EMSY: variants seen among roughly 807,000 people sequenced by gnomAD.
EMSY encodes BRCA2-interacting transcriptional repressor EMSY.
A neutral mutation model predicts 134.6 loss-of-function variants in EMSY; 26 were observed. That is an observed-to-expected ratio of 0.19 (90% CI 0.14 to 0.27). The LOEUF is 0.27. EMSY is among the 10% of genes least tolerant of loss of function. EMSY has a pLI of 1.00. For missense variants in EMSY, 1,305 were observed against 1,611.4 expected, an observed-to-expected ratio of 0.81 and a Z score of 3.26; for synonymous variants, 579 against 577.8, an observed-to-expected ratio of 1.00 and a Z score of -0.03.
chr11:76,518,884 CATT>C (rs1950551472), intron 11 of EMSY, among the ~76,000 whole-genome samples: 1 of 114,044 alleles, frequency 8.8e-6, no homozygotes, highest in African/African-American at 2.9e-5. Context: ...GTGTGTGTGT[CATT>C]ATAAATAATT....
chr11:76,535,794 A>T, intron 14 of EMSY, 101 bp from the exon 16 acceptor site: 1 of 954,976 alleles, frequency 1.0e-6, no homozygotes, highest in African/African-American at 1.7e-5. Flanking sequence ...GTTTACAATA[A>T]ATAGAAAGAT....
chr11:76,532,279 C>T (rs1291142360), intron 14 of EMSY, among the ~76,000 whole-genome samples: 1 of 151,816 alleles, frequency 6.6e-6, no homozygotes, highest in East Asian at 1.9e-4. Context: ...AGCAGAGCAG[C>T]AACCATAATA....
chr11:76,507,725 A>G (rs770266394), intron 9 of EMSY, among the ~76,000 whole-genome samples: 2 of 152,150 alleles, frequency 1.3e-5, no homozygotes, highest in Non-Finnish European at 1.5e-5. Context: ...ACCTCCTCCC[A>G]TGATTCAAAA....
chr11:76,453,717 G>A (rs1188674017), intron 4 of EMSY: 3 of 182,104 alleles, frequency 1.6e-5, no homozygotes, highest in Non-Finnish European at 3.4e-5. Context: ...AAAATTGAAA[G>A]CCCTTTAGAG....
chr11:76,551,716 C>G (rs1000152216), downstream of EMSY: 4 of 152,104 alleles, frequency 2.6e-5, no homozygotes, highest in Non-Finnish European at 5.9e-5. Flanking sequence ...AATTTTTTAA[C>G]CTTTCTTGGG....
At chr11:76,488,254 C>G (rs1217761668) in intron 8 of EMSY, among the ~76,000 whole-genome samples, 1 of 152,172 alleles carries the variant, frequency 6.6e-6, no homozygotes, top group Non-Finnish European at 1.5e-5. Flanking sequence ...TTGTTTGAAG[C>G]TAGGAGTTCA....
intron 8 of EMSY, among the ~76,000 whole-genome samples, chr11:76,483,701 A>G (rs1031343731): frequency 2.0e-5 from 3 of 152,232 alleles, no homozygotes; most frequent in Non-Finnish European, 4.4e-5. Flanking sequence ...AGAGCTAACT[A>G]TCCTAAATAT....
chr11:76,537,794 G>A lies in EMSY; in HGVS notation c.2360-1G>A, dbSNP rs758430010. Reference sequence around the variant, plus strand: ...ACTTTTCCCCTGACTTTTTTATGCAGTAAAGGAAAAATTGGAATCTAAACC... The same window carrying A: ...ACTTTTCCCCTGACTTTTTTATGCAATAAAGGAAAAATTGGAATCTAAACC... On this transcript the variant is annotated splice_acceptor_variant, in intron 15 of 20. Coordinates refer to ENST00000334736, the Ensembl canonical transcript of EMSY. LOFTEE classifies it high-confidence loss of function. 1 of 1,594,596 alleles carries A rather than the reference G, an allele frequency of 6.3e-7. No individual in the cohort carries two copies. Among genetic ancestry groups the A allele is most frequent in the Admixed American group, 1.8e-5 (1 of 55,770 alleles).
chr11:76,459,128 G>A (rs892269312), intron 5 of EMSY: 39 of 152,190 alleles, frequency 2.6e-4, no homozygotes, highest in African/African-American at 8.9e-4. Context: ...CCTCCATCGA[G>A]TTCTTCCATC....
chr11:76,468,515 T>A (rs1948449537), intron 7 of EMSY, among the ~76,000 whole-genome samples: 1 of 152,194 alleles, frequency 6.6e-6, no homozygotes, highest in South Asian at 2.1e-4. Context: ...GAGTTTTATG[T>A]TTTTCTTTTG....
intron 4 of EMSY, among the ~76,000 whole-genome samples, chr11:76,455,520 C>T (rs961589884): frequency 5.3e-5 from 8 of 152,068 alleles, no homozygotes; most frequent in South Asian, 2.1e-4. Context: ...TAAAGGAATG[C>T]GCCTGAACTG....
chr11:76,529,567 A>G (rs568294801), intron 14 of EMSY, among the ~76,000 whole-genome samples: 1 of 152,322 alleles, frequency 6.6e-6, no homozygotes, highest in African/African-American at 2.4e-5. Flanking sequence ...TAGATCTAGA[A>G]TAGGGGATTT....
chr11:76,483,947 T>C (rs1949080582), intron 8 of EMSY, among the ~76,000 whole-genome samples: 1 of 152,154 alleles, frequency 6.6e-6, no homozygotes, highest in Non-Finnish European at 1.5e-5. Flanking sequence ...AGAATATACA[T>C]TCTTCTCAGC....
rs545090819 is a variant in EMSY at position 76,542,453 on chromosome 11, A to G, written c.2709+86A>G. 49 of 1,487,954 alleles carry G rather than the reference A, an allele frequency of 3.3e-5. No individual in the cohort carries two copies. In the South Asian group the frequency reaches 5.6e-4, roughly 17 times the overall value. The allele number at this position is 1,487,954 out of a possible 1,614,324, so 92.2% of individuals were successfully genotyped here. ...GTGTCATCTTGTATTTTAAGAGGAG[A>G]AATAATTGGAACGTAGAGTGTTTGT... On this transcript the variant is annotated intron_variant, in intron 18 of 20. Coordinates refer to ENST00000334736, the Ensembl canonical transcript of EMSY.
chr11:76,545,811 T>C lies in EMSY; in HGVS notation c.3288T>C (p.Ile1096=). ...TTTATTTTCAGGTGGAGCAGCCAAT[T>C]ATAACCCAAGGATCCTCTGTTACAA... Residue 1096 remains isoleucine (I), a synonymous_variant, in exon 20 of 21, where the codon ATT becomes ATC. Coordinates refer to ENST00000334736, the Ensembl canonical transcript of EMSY. The C allele has an allele frequency of 1.9e-6, 3 of 1,606,308 alleles. No homozygotes were observed. The South Asian group carries it at 3.3e-5, about 18-fold the overall frequency.
chr11:76,537,407 G>C lies in EMSY; in HGVS notation c.2360-388G>C, dbSNP rs539879750. ...CTATTCTGGGTAGATGTGTCCTAGA[G>C]CAAATCATGTTATGTACTGCTTATT... On this transcript the variant is annotated intron_variant, in intron 15 of 20. Coordinates refer to ENST00000334736, the Ensembl canonical transcript of EMSY. Among the ~76,000 whole-genome samples the C allele has an allele frequency of 7.9e-5, 12 of 152,288 alleles. No homozygotes were observed. In the South Asian group the frequency reaches 2.5e-3, roughly 32 times the overall value.
intron 2 of EMSY, among the ~76,000 whole-genome samples, chr11:76,451,605 G>A (rs770871272): frequency 7.9e-5 from 12 of 152,068 alleles, no homozygotes; most frequent in Non-Finnish European, 1.5e-4. Flanking sequence ...GACAATGTGT[G>A]AAACAAAATA....
intron 9 of EMSY, 74 bp from the exon 11 acceptor site, chr11:76,513,306 ACTACTG>A: frequency 7.4e-7 from 1 of 1,352,530 alleles, no homozygotes; most frequent in Non-Finnish European, 1.0e-6. Flanking sequence ...AATGTGTGTG[ACTACTG>A]CCCTCTTGGG....
At chr11:76,547,049 A>G (rs1473955986) in intron 20 of EMSY, 1 of 454,712 alleles carries the variant, frequency 2.2e-6, no homozygotes, top group Non-Finnish European at 4.4e-6. Flanking sequence ...AGAATTACTG[A>G]GTCCAGGCTA....
Sources: allele counts gnomAD v4.1 joint callset (sites outside exome capture counted in the v4.1 genomes callset), GRCh38; gene constraint gnomAD v4.1.1; transcripts MANE v1.5; gene names NCBI Gene and HGNC (gene_info 2026-07-23, HGNC 2026-07-21).